The following ERN1 variants were observed in gnomAD, a reference collection of about 807,000 sequenced individuals.
The protein encoded by ERN1 is serine/threonine-protein kinase/endoribonuclease IRE1.
A neutral mutation model predicts 113.1 loss-of-function variants in ERN1; 39 were observed. That is an observed-to-expected ratio of 0.34 (90% confidence interval 0.27 to 0.45). The LOEUF is 0.45. Ranked by LOEUF, ERN1 falls within the 20% of genes least tolerant of loss-of-function variation. The pLI is 1.00. For missense variants in ERN1, 976 were observed against 1,274.8 expected, an observed-to-expected ratio of 0.77 and a Z score of 3.57; for synonymous variants, 507 against 515.9, an observed-to-expected ratio of 0.98 and a Z score of 0.23.
intron 20 of ERN1, 80 bp from the exon 21 acceptor site, chr17:64,045,007 T>C: frequency 9.4e-7 from 1 of 1,060,674 alleles, no homozygotes; most frequent in Non-Finnish European, 1.4e-6. Flanking sequence ...CATGGGGTCC[T>C]GGGATTAGGG....
At position 64,049,762 on chromosome 17, in the gene ERN1, G is replaced by A. The variant is rs1326886956; in HGVS notation, c.2254-560C>T. 2.6e-5 allele frequency among the ~76,000 whole-genome samples: 4 copies of A among 152,306 alleles called. No individual in the cohort carries two copies. Among genetic ancestry groups the A allele is most frequent in the African/African-American group, 7.2e-5 (3 of 41,558 alleles). ...AGGAGGTCATGTTTGATGTTAATCCGAGAAAGCCTCTCACTTATCCCATGA... is the reference window on the plus strand; with the variant it reads ...AGGAGGTCATGTTTGATGTTAATCCAAGAAAGCCTCTCACTTATCCCATGA... On this transcript the variant is annotated intron_variant, in intron 17 of 21. Coordinates refer to ENST00000433197, the MANE Select transcript of ERN1 (RefSeq NM_001433.5). The surrounding 1 kb of genome is among the most constrained non-coding windows in gnomAD (Gnocchi z 4.7).
At chr17:64,113,148 G>A (rs1168333528) in intron 1 of ERN1, among the ~76,000 whole-genome samples, 1 of 152,086 alleles carries the variant, frequency 6.6e-6, no homozygotes, top group Non-Finnish European at 1.5e-5. Flanking sequence ...TTACCAGTGC[G>A]GCATCATGCA....
At chr17:64,056,961 G>A (rs561223806) in intron 12 of ERN1, among the ~76,000 whole-genome samples, 17 of 152,248 alleles carry the variant, frequency 1.1e-4, no homozygotes, top group East Asian at 3.9e-4. Context: ...ACAGCATCTC[G>A]ATGCTCTGAG....
intron 19 of ERN1, among the ~76,000 whole-genome samples, chr17:64,046,977 G>A: frequency 6.6e-6 from 1 of 152,234 alleles, no homozygotes; most frequent in Non-Finnish European, 1.5e-5. Flanking sequence ...TTCTAACTTT[G>A]CAGAACCTAT....
chr17:64,087,495 AG>A (rs566864680), intron 2 of ERN1, among the ~76,000 whole-genome samples: 2 of 152,130 alleles, frequency 1.3e-5, no homozygotes, highest in Non-Finnish European at 2.9e-5. Context: ...CTAGAAACTC[AG>A]GAAGTCCCCA....
chr17:64,102,115 A>T (rs1824612098), intron 1 of ERN1, among the ~76,000 whole-genome samples: 2 of 152,112 alleles, frequency 1.3e-5, no homozygotes, highest in Admixed American at 1.3e-4. Context: ...CCCCGTCTGT[A>T]CTAAAAAAAA....
intron 1 of ERN1, among the ~76,000 whole-genome samples, chr17:64,108,006 G>A (rs1030675917): frequency 6.6e-5 from 10 of 152,136 alleles, no homozygotes; most frequent in Non-Finnish European, 4.4e-5. Flanking sequence ...GCTTTGGATG[G>A]GAGTCAAGTG....
chr17:64,053,161 T>C (rs768709537), intron 16 of ERN1, 111 bp downstream of exon 16: 45 of 970,548 alleles, frequency 4.6e-5, no homozygotes, highest in African/African-American at 1.1e-4. Flanking sequence ...ACTGGTGATA[T>C]AGCCAAGAGC....
At chr17:64,047,106 C>T (rs1367616533) in intron 19 of ERN1, among the ~76,000 whole-genome samples, 1 of 152,226 alleles carries the variant, frequency 6.6e-6, no homozygotes, top group Non-Finnish European at 1.5e-5. Flanking sequence ...TGCCTGTAAT[C>T]CCAGCACTTT....
intron 2 of ERN1, among the ~76,000 whole-genome samples, chr17:64,091,234 C>G (rs1417314817): frequency 6.6e-6 from 1 of 152,174 alleles, no homozygotes; most frequent in African/African-American, 2.4e-5. Context: ...TAAAGCAGGA[C>G]AGAAAAACCA....
At chr17:64,117,254 G>A (rs1914832707) in intron 1 of ERN1, among the ~76,000 whole-genome samples, 2 of 151,940 alleles carry the variant, frequency 1.3e-5, no homozygotes, top group South Asian at 4.1e-4. Context: ...ACTCACCTGG[G>A]CAACATGGCG....
intron 4 of ERN1, among the ~76,000 whole-genome samples, chr17:64,078,689 T>C (rs1223459738): frequency 1.3e-5 from 2 of 152,058 alleles, no homozygotes; most frequent in Admixed American, 1.3e-4. Flanking sequence ...GATATCCCAA[T>C]TGACCTACAC....
At position 64,064,151 on chromosome 17, in the gene ERN1, G is replaced by A; in HGVS notation, c.922C>T (p.Pro308Ser). The A allele has an allele frequency of 6.3e-7, 1 of 1,591,072 alleles. No individual in the cohort carries two copies. Among genetic ancestry groups the A allele is most frequent in the Non-Finnish European group, 8.6e-7 (1 of 1,168,472 alleles). ...AGCAAAGGAAGTGTGCTGCCGCGGG[G>A]CTGTGGAGAGGGTGCAGTGAGGGTC... ...SMVHEGVAVV[P>S]RGSTLPLLEG... Residue 308 changes from proline (P) to serine (S), a missense_variant and splice_region_variant, in exon 10 of 22, where the codon CCC becomes TCC. Pro to Ser is a moderately conservative substitution (Grantham distance 74). Transcript: ENST00000433197.
At chr17:64,129,020 A>G (rs1435603696) in intron 1 of ERN1, 3 of 152,176 alleles carry the variant, frequency 2.0e-5, no homozygotes, top group African/African-American at 7.2e-5. Context: ...CATTAAACAG[A>G]ACACGGACAA....
rs1194560344 is a variant in ERN1 at position 64,042,736 on chromosome 17, C to T, written c.*1252G>A. ...ACTATTTCTTTGATACTGTTCAATA[C>T]ATTTACATAGTGTTGCTATAATGTT... On this transcript the variant is annotated 3_prime_UTR_variant, in exon 22 of 22. Transcript: ENST00000433197. The T allele has an allele frequency of 6.6e-6, 1 of 152,120 alleles. No homozygotes were observed. The highest frequency in any genetic ancestry group is 1.5e-5 in the Non-Finnish European group (1 of 68,036). The allele number at this position is 152,120 out of a possible 1,614,324, so 9.4% of individuals were successfully genotyped here. A position where few individuals can be genotyped will look rare whatever the true frequency, so the allele number is the denominator to read the frequency against.
intron 19 of ERN1, among the ~76,000 whole-genome samples, chr17:64,046,370 T>C (rs889742194): frequency 2.6e-5 from 4 of 152,232 alleles, no homozygotes; most frequent in African/African-American, 9.6e-5. Flanking sequence ...GAGAGACATA[T>C]GACCTGGAGA....
At chr17:64,074,444 G>A (rs1393827451) in intron 5 of ERN1, among the ~76,000 whole-genome samples, 1 of 152,118 alleles carries the variant, frequency 6.6e-6, no homozygotes, top group East Asian at 1.9e-4. Context: ...TCATTCTGAA[G>A]GTGTGGAAGG....
At chr17:64,058,817 G>A (rs1912962094) in intron 11 of ERN1, among the ~76,000 whole-genome samples, 1 of 151,990 alleles carries the variant, frequency 6.6e-6, no homozygotes, top group Non-Finnish European at 1.5e-5. Flanking sequence ...CCAGATGGCT[G>A]CCTAGAATGT....
chr17:64,087,292 G>A (rs1222434757), intron 2 of ERN1, among the ~76,000 whole-genome samples: 1 of 152,164 alleles, frequency 6.6e-6, no homozygotes, highest in East Asian at 1.9e-4. Flanking sequence ...CCACTGTCAA[G>A]TTCCCGTGAT....
Sources: gnomAD v4.1 joint callset for allele counts (sites outside exome capture counted in the v4.1 genomes callset) on GRCh38, gnomAD v4.1.1 for gene constraint, Gnocchi (gnomAD v3.1) non-coding constraint, MANE v1.5 for transcripts, NCBI Gene and HGNC (gene_info 2026-07-23, HGNC 2026-07-21) for gene names.